TTC28: variants seen among roughly 807,000 people sequenced by gnomAD.
The protein encoded by TTC28 is tetratricopeptide repeat domain 28.
A neutral mutation model predicts 198.0 loss-of-function variants in TTC28; 61 were observed. The observed-to-expected ratio is 0.31, with a 90% CI of 0.25 to 0.38. The LOEUF (loss-of-function observed/expected upper bound fraction) is 0.38. Ranked by LOEUF, TTC28 falls within the 10% of genes least tolerant of loss-of-function variation. The probability of loss-of-function intolerance (pLI) is 1.00; values close to 1 mark genes in which losing one functional copy is unlikely to be tolerated. For missense variants in TTC28, 2,678 were observed against 3,164.0 expected (o/e 0.85, Z 3.69); for synonymous variants, 1,171 against 1,297.8 (o/e 0.90, Z 2.10).
At chr22:28,337,923 T>A (rs1241005252) in intron 2 of TTC28, among the ~76,000 whole-genome samples, 1 of 152,230 alleles carries the variant, frequency 6.6e-6, no homozygotes. Flanking sequence ...TTGATGCAGT[T>A]TCTTTCTAGC....
chr22:28,304,493 C>T (rs1031283986), intron 3 of TTC28, among the ~76,000 whole-genome samples: 4 of 152,036 alleles, frequency 2.6e-5, no homozygotes, highest in African/African-American at 9.7e-5. Flanking sequence ...AATTAAATTG[C>T]CTTAAGGGAA....
At chr22:28,625,140 TGA>T (rs1443421269) in intron 2 of TTC28, among the ~76,000 whole-genome samples, 3 of 152,254 alleles carry the variant, frequency 2.0e-5, no homozygotes, top group African/African-American at 7.2e-5. Context: ...AGATCAGGAA[TGA>T]GTAAAGGAAG....
At chr22:28,376,803 G>A (rs767638064) in intron 2 of TTC28, among the ~76,000 whole-genome samples, 2 of 152,130 alleles carry the variant, frequency 1.3e-5, no homozygotes, top group Non-Finnish European at 2.9e-5. Context: ...AAACTGTAGA[G>A]ATCCTCAGAG....
chr22:28,385,484 C>T (rs1026777697), intron 2 of TTC28, among the ~76,000 whole-genome samples: 2 of 151,690 alleles, frequency 1.3e-5, no homozygotes, highest in Non-Finnish European at 2.9e-5. Flanking sequence ...AGGTTCACAG[C>T]AAGATTCAGT....
At chr22:28,184,241 AT>A (rs1421859706) in intron 5 of TTC28, among the ~76,000 whole-genome samples, 1 of 152,214 alleles carries the variant, frequency 6.6e-6, no homozygotes, top group African/African-American at 2.4e-5. Context: ...CAGATAGTAA[AT>A]ACCAATAAAA....
At chr22:28,669,167 G>C (rs2051836286) in intron 1 of TTC28, among the ~76,000 whole-genome samples, 1 of 129,848 alleles carries the variant, frequency 7.7e-6, no homozygotes, top group African/African-American at 2.9e-5. Context: ...TAGGAGGAGG[G>C]GGGAGGGATA....
At chr22:28,019,275 TG>T (rs989108980) in intron 13 of TTC28, among the ~76,000 whole-genome samples, 6 of 152,324 alleles carry the variant, frequency 3.9e-5, no homozygotes, top group African/African-American at 1.4e-4. Flanking sequence ...TTTTTACTGA[TG>T]ATCAATCCAA....
intron 12 of TTC28, among the ~76,000 whole-genome samples, chr22:28,077,934 C>T (rs1217666035): frequency 6.6e-6 from 1 of 152,240 alleles, no homozygotes; most frequent in Non-Finnish European, 1.5e-5. Context: ...GCCACAGCAC[C>T]GTTCTAGGAG....
chr22:28,414,380 G>A (rs1464330068), intron 2 of TTC28, among the ~76,000 whole-genome samples: 1 of 152,216 alleles, frequency 6.6e-6, no homozygotes, highest in Non-Finnish European at 1.5e-5. Flanking sequence ...GTGATGGACA[G>A]TATAAGGAGA....
intron 12 of TTC28, among the ~76,000 whole-genome samples, chr22:28,047,492 C>A (rs1939913288): frequency 6.6e-6 from 1 of 152,164 alleles, no homozygotes; most frequent in African/African-American, 2.4e-5. Flanking sequence ...AAGTGGAGGA[C>A]TAGAAAGGCA....
chr22:28,388,079 A>C (rs1343795859), intron 2 of TTC28, among the ~76,000 whole-genome samples: 1 of 152,176 alleles, frequency 6.6e-6, no homozygotes, highest in Non-Finnish European at 1.5e-5. Context: ...CCAGTTTTCC[A>C]AGCACCGGTT....
At position 28,030,470 on chromosome 22, in the gene TTC28, G is replaced by A. The variant is rs1360761359; in HGVS notation, c.3933-104C>T. On this transcript the variant is annotated intron_variant, in intron 12 of 22. Coordinates refer to ENST00000397906, the MANE Select transcript of TTC28 (RefSeq NM_001145418.2). ...CATTCTGTCACCAAACGAACCTCTA[G>A]TACCGTTGTCTCCAGATGACAGCAT... is the stretch of plus-strand genomic sequence containing the variant. 3.5e-6 allele frequency: 5 copies of A among 1,410,520 alleles called. No individual in the cohort carries two copies. The East Asian group carries it at 1.0e-4, about 28-fold the overall frequency. The allele number at this position is 1,410,520 out of a possible 1,614,324, so 87.4% of individuals were successfully genotyped here.
At chr22:28,291,561 G>A (rs2044788383) in intron 5 of TTC28, among the ~76,000 whole-genome samples, 1 of 152,170 alleles carries the variant, frequency 6.6e-6, no homozygotes, top group Non-Finnish European at 1.5e-5. Context: ...TTAATGCCCA[G>A]TGTTGGCCAA....
At position 28,108,377 on chromosome 22, in the gene TTC28, A is replaced by T; in HGVS notation, c.1468T>A (p.Tyr490Asn). The change falls in exon 7 of 23, where the codon TAT becomes AAT. Residue 490 changes from tyrosine (Y) to asparagine (N), a missense_variant. Tyr to Asn is a moderately radical substitution (Grantham distance 143). This residue lies in a region of TTC28 where 775 missense variants were observed against 845.9 expected (regional missense o/e 0.92). Transcript: ENST00000397906. ...LGIIHQMKGDYDTALKLHKTH... is the reference protein window; with the variant it reads ...LGIIHQMKGDNDTALKLHKTH... ...TTGTGGAGTTTCAGTGCAGTGTCAT[A>T]ATCACCTTTCATCTGGTGTATGATT... is the stretch of plus-strand genomic sequence containing the variant. 1 of 1,462,264 alleles carries T rather than the reference A, an allele frequency of 6.8e-7. No individual in the cohort carries two copies. The highest frequency in any genetic ancestry group is 9.1e-7 in the Non-Finnish European group (1 of 1,101,936). 90.6% of individuals were successfully genotyped at this position (1,462,264 alleles called of 1,614,324 possible).
At chr22:28,663,955 C>T (rs1194833531) in intron 1 of TTC28, among the ~76,000 whole-genome samples, 2 of 9,054 alleles carry the variant, frequency 2.2e-4, no homozygotes, top group East Asian at 2.8e-3. Context: ...GATCTGAGAA[C>T]GGGCAGACTG....
intron 2 of TTC28, among the ~76,000 whole-genome samples, chr22:28,592,334 A>C (rs1474091517): frequency 6.6e-6 from 1 of 151,920 alleles, no homozygotes; most frequent in Non-Finnish European, 1.5e-5. Flanking sequence ...CCTGGGTGAC[A>C]GAATGAGACT....
chr22:28,583,158 T>C (rs764505753), intron 2 of TTC28, among the ~76,000 whole-genome samples: 1 of 152,142 alleles, frequency 6.6e-6, no homozygotes, highest in African/African-American at 2.4e-5. Flanking sequence ...CTCCCTTTCT[T>C]CCTCTACAGC....
rs1422313034 is a variant in TTC28 at position 28,087,778 on chromosome 22, A to C, written c.3932+6302T>G. Among the ~76,000 whole-genome samples, 3 of 152,182 alleles carry C rather than the reference A, an allele frequency of 2.0e-5. No individual in the cohort carries two copies. In the East Asian group the frequency reaches 5.8e-4, roughly 29 times the overall value. ...CTAGAAAACCCCACTGTCTCAGCCC[A>C]AAATCTCCTTAAGCTGATAAGCAAC... is the stretch of plus-strand genomic sequence containing the variant. On this transcript the variant is annotated intron_variant, in intron 12 of 22. Transcript: ENST00000397906.
At chr22:28,567,094 A>T (rs184019350) in intron 2 of TTC28, among the ~76,000 whole-genome samples, 42 of 152,170 alleles carry the variant, frequency 2.8e-4, no homozygotes, top group Non-Finnish European at 5.3e-4. Context: ...GGACGCCTGT[A>T]ATCCCAGCTA....
Sources: gnomAD v4.1 joint callset for allele counts (sites outside exome capture counted in the v4.1 genomes callset) on GRCh38, gnomAD v4.1.1 for gene constraint, gnomAD v4.1.1 regional missense constraint, MANE v1.5 for transcripts, NCBI Gene and HGNC (gene_info 2026-07-23, HGNC 2026-07-21) for gene names.